Variants in QTMAN observed in about 807,000 individuals in gnomAD.
QTMAN encodes tRNA-queuosine alpha-mannosyltransferase.
At chr2:144,293,176 G>T in the QTMAN span, among the ~76,000 whole-genome samples, 1 of 152,062 alleles carries the variant, frequency 6.6e-6, no homozygotes, top group African/African-American at 2.4e-5. Flanking sequence ...ACTGCATTAT[G>T]GATTTTTTGT....
At chr2:144,252,260 A>G in the QTMAN span, among the ~76,000 whole-genome samples, 1 of 152,158 alleles carries the variant, frequency 6.6e-6, no homozygotes, top group East Asian at 1.9e-4. Context: ...CTGTAGTCCC[A>G]GTTATTGGGG....
the QTMAN span, among the ~76,000 whole-genome samples, chr2:144,303,876 A>T: frequency 6.6e-6 from 1 of 152,244 alleles, no homozygotes; most frequent in South Asian, 2.1e-4. Flanking sequence ...TCTCTGCATC[A>T]TGGTGGGAGA....
the QTMAN span, among the ~76,000 whole-genome samples, chr2:144,136,884 T>C: frequency 1.3e-5 from 2 of 152,170 alleles, no homozygotes; most frequent in African/African-American, 2.4e-5. Flanking sequence ...CTGGTATTAA[T>C]ATTACAAAAT....
At chr2:144,316,011 C>G in the QTMAN span, among the ~76,000 whole-genome samples, 1 of 152,170 alleles carries the variant, frequency 6.6e-6, no homozygotes, top group Admixed American at 6.5e-5. Context: ...ACTCCAACAC[C>G]CTACTGCACA....
At chr2:143,951,906 A>T in the QTMAN span, 1 of 751,826 alleles carries the variant, frequency 1.3e-6, no homozygotes, top group Non-Finnish European at 2.3e-6. Flanking sequence ...TATGTTAATT[A>T]AATGTTTTTT....
chr2:143,992,712 C>T, the QTMAN span, among the ~76,000 whole-genome samples: 1 of 151,982 alleles, frequency 6.6e-6, no homozygotes, highest in Non-Finnish European at 1.5e-5. Flanking sequence ...TCACTAAAAG[C>T]AATTCTTAAG....
At chr2:144,270,446 A>T in the QTMAN span, among the ~76,000 whole-genome samples, 1 of 152,254 alleles carries the variant, frequency 6.6e-6, no homozygotes, top group Non-Finnish European at 1.5e-5. Flanking sequence ...AAAACGCGGC[A>T]CATATAAACC....
chr2:143,956,793 T>C, the QTMAN span, among the ~76,000 whole-genome samples: 6,110 of 152,106 alleles, frequency 0.04, 403 homozygotes, highest in African/African-American at 0.14. Flanking sequence ...CATTTTTTTT[T>C]CCCAAAACCA....
chr2:144,189,713 G>A, the QTMAN span, among the ~76,000 whole-genome samples: 23 of 152,008 alleles, frequency 1.5e-4, no homozygotes, highest in African/African-American at 5.1e-4. Context: ...TCCGCCTCCC[G>A]GGTTCAAGCA....
chr2:144,038,231 C>A, the QTMAN span, among the ~76,000 whole-genome samples: 1 of 152,042 alleles, frequency 6.6e-6, no homozygotes, highest in African/African-American at 2.4e-5. Context: ...GAATGTTTTT[C>A]CTGTGTTGAG....
the QTMAN span, among the ~76,000 whole-genome samples, chr2:144,222,753 A>G: frequency 6.6e-6 from 1 of 152,144 alleles, no homozygotes; most frequent in Non-Finnish European, 1.5e-5. Context: ...GCTTGCAGTG[A>G]GCTGAGATGG....
the QTMAN span, among the ~76,000 whole-genome samples, chr2:144,300,206 G>A: frequency 6.6e-6 from 1 of 152,140 alleles, no homozygotes; most frequent in Non-Finnish European, 1.5e-5. Context: ...ACAACAATGG[G>A]AATGTACCTA....
the QTMAN span, among the ~76,000 whole-genome samples, chr2:144,150,238 T>C: frequency 6.6e-6 from 1 of 152,074 alleles, no homozygotes; most frequent in African/African-American, 2.4e-5. Flanking sequence ...CTGTGTCACT[T>C]TGCTCAATAC....
the QTMAN span, among the ~76,000 whole-genome samples, chr2:144,032,569 T>C: frequency 6.6e-6 from 1 of 152,104 alleles, no homozygotes; most frequent in African/African-American, 2.4e-5. Context: ...AGAGAGAAAG[T>C]GGTGGTGGTA....
chr2:144,054,418 C>A, the QTMAN span, among the ~76,000 whole-genome samples: 1 of 152,156 alleles, frequency 6.6e-6, no homozygotes, highest in Non-Finnish European at 1.5e-5. Flanking sequence ...TCATTTAGCC[C>A]AGCTTCTCAT....
chr2:144,178,123 G>A, the QTMAN span, among the ~76,000 whole-genome samples: 8 of 152,092 alleles, frequency 5.3e-5, no homozygotes, highest in Non-Finnish European at 8.8e-5. Context: ...ACAGCGAGGA[G>A]GAAAGAAGTG....
the QTMAN span, among the ~76,000 whole-genome samples, chr2:144,086,612 C>T: frequency 2.2e-4 from 34 of 152,268 alleles, no homozygotes; most frequent in East Asian, 6.0e-3. Flanking sequence ...TTTTACCTTA[C>T]CATACTGACT....
At chr2:144,260,479 A>G in the QTMAN span, among the ~76,000 whole-genome samples, 3 of 152,158 alleles carry the variant, frequency 2.0e-5, no homozygotes, top group East Asian at 5.8e-4. Context: ...ATAATCATTT[A>G]ATGCAAATCT....
chr2:143,982,694 C>T, the QTMAN span, among the ~76,000 whole-genome samples: 1 of 151,240 alleles, frequency 6.6e-6, no homozygotes, highest in Admixed American at 6.6e-5. Context: ...AACGCCCTCA[C>T]CTCTAAAAAT....
Sources: gnomAD v4.1 joint callset for allele counts (sites outside exome capture counted in the v4.1 genomes callset) on GRCh38, gnomAD v4.1.1 for gene constraint, MANE v1.5 for transcripts, NCBI Gene and HGNC (gene_info 2026-07-23, HGNC 2026-07-21) for gene names.